The following CAPN8 variants were observed in gnomAD, a reference collection of about 807,000 sequenced individuals.
The protein encoded by CAPN8 is calpain-8.
In CAPN8, 87 loss-of-function variants were observed where a neutral mutation model predicts 80.9. That is an observed-to-expected ratio of 1.07 (90% CI 0.90 to 1.28). The LOEUF (loss-of-function observed/expected upper bound fraction) is 1.28. Ranked by LOEUF, CAPN8 falls within the 50% of genes most tolerant of loss-of-function variation. The pLI is 0.00. For synonymous variants in CAPN8, 299 were observed against 273.8 expected (o/e 1.09, Z -0.91); for missense variants, 757 against 702.0 (o/e 1.08, Z -0.89).
At chr1:223,648,675 C>T (rs780361957) in intron 2 of CAPN8, among the ~76,000 whole-genome samples, 1 of 152,096 alleles carries the variant, frequency 6.6e-6, no homozygotes, top group Non-Finnish European at 1.5e-5. Context: ...TCCTTGTTTG[C>T]CTTTAGAGAC....
rs1173611625 is a variant in CAPN8, at chr1:223,628,876, G to A, written c.308-96C>T. On this transcript the variant is annotated intron_variant, in intron 2 of 20. Transcript: ENST00000366872. ...TCCCATTCAACCCAGAGTCCACGTTGCCACATTCCCTTCTGAGTCAGGTAG... is the reference window on the plus strand; with the variant it reads ...TCCCATTCAACCCAGAGTCCACGTTACCACATTCCCTTCTGAGTCAGGTAG... 8 of 864,514 alleles carry A rather than the reference G, an allele frequency of 9.3e-6. No homozygotes were observed. The East Asian group carries it at 1.4e-4, about 15-fold the overall frequency. The allele number at this position is 864,514 out of a possible 1,614,324, so 53.6% of individuals were successfully genotyped here.
At chr1:223,645,187 G>T (rs1035416257) in intron 2 of CAPN8, among the ~76,000 whole-genome samples, 4 of 152,126 alleles carry the variant, frequency 2.6e-5, no homozygotes, top group African/African-American at 9.7e-5. Context: ...AGCATCCAGC[G>T]CAGAAGAAAG....
chr1:223,609,561 C>T (rs1353239083), intron 11 of CAPN8, among the ~76,000 whole-genome samples, 197 bp from the exon 12 acceptor site: 1 of 152,104 alleles, frequency 6.6e-6, no homozygotes, highest in Non-Finnish European at 1.5e-5. Context: ...GGGTGCCAGG[C>T]CCTGTTTGAG....
At chr1:223,624,887 A>G (rs577436521) in intron 6 of CAPN8, among the ~76,000 whole-genome samples, 45 of 152,074 alleles carry the variant, frequency 3.0e-4, no homozygotes, top group African/African-American at 8.9e-4. Context: ...GAGGTCAGGA[A>G]ATCGAGACCA....
chr1:223,551,106 G>C, intron 14 of CAPN8, 89 bp from the exon 15 acceptor site: 1 of 685,032 alleles, frequency 1.5e-6, no homozygotes, highest in Non-Finnish European at 2.7e-6. Flanking sequence ...CTCACAGTCA[G>C]ACACCAGGCC....
In CAPN8 at chr1:223,665,601, G is replaced by C. The variant is rs1013524714; in HGVS notation, c.46C>G (p.Gln16Glu). The C allele has an allele frequency of 6.4e-7, 1 of 1,551,564 alleles. No individual in the cohort carries two copies. Among genetic ancestry groups the C allele is most frequent in the African/African-American group, 1.4e-5 (1 of 73,044 alleles). Residue 16 changes from glutamine to glutamate, a missense_variant, in exon 1 of 21, where the codon CAA becomes GAA. Coordinates refer to ENST00000366872, the MANE Select transcript of CAPN8 (RefSeq NM_001143962.2). ...GCGTTTTGGTTGGAGCCAAGACCTT[G>C]AGTGGCTGCCCGCTGCCTAGATACA... ...AGVSRQRAATQGLGSNQNALK... is the reference protein window; with the variant it reads ...AGVSRQRAATEGLGSNQNALK...
intron 6 of CAPN8, among the ~76,000 whole-genome samples, chr1:223,623,120 A>G (rs1047253663): frequency 2.6e-5 from 4 of 152,262 alleles, no homozygotes; most frequent in Non-Finnish European, 5.9e-5. Context: ...ATAAATGAAG[A>G]GTGAGTCTAG....
At position 223,550,311 on chromosome 1, in the gene CAPN8, G is replaced by C. The variant is rs1656749306; in HGVS notation, c.1699+649C>G. 2.6e-5 allele frequency among the ~76,000 whole-genome samples: 4 copies of C among 152,274 alleles called. No individual in the cohort carries two copies. The South Asian group carries it at 8.3e-4, about 32-fold the overall frequency. ...GACTTGGCTCCTGGGCCAAGCCCCT[G>C]CTTCCTGCATTCTCAAGCCCTGTCC... On this transcript the variant is annotated intron_variant, in intron 15 of 20. Transcript: ENST00000366872.
chr1:223,645,901 C>A (rs1558354259), intron 2 of CAPN8, among the ~76,000 whole-genome samples: 1 of 152,142 alleles, frequency 6.6e-6, no homozygotes, highest in Non-Finnish European at 1.5e-5. Context: ...GAGGGTAAAC[C>A]AAAGTGCTCC....
At chr1:223,659,386 C>T (rs1332218264) in intron 1 of CAPN8, among the ~76,000 whole-genome samples, 3 of 152,166 alleles carry the variant, frequency 2.0e-5, no homozygotes, top group African/African-American at 7.2e-5. Context: ...TGTGATCTGG[C>T]CCCACTGGAT....
Position 223,627,926 on chromosome 1 carries a change from G to A in CAPN8, c.560+83C>T, listed in dbSNP as rs146698998. 2,339 of 1,426,966 alleles carry A rather than the reference G, an allele frequency of 1.6e-3. 16 individuals carry two copies. The Middle Eastern group carries it at 0.02, about 12-fold the overall frequency. 88.4% of individuals were successfully genotyped at this position (1,426,966 alleles called of 1,614,324 possible). On this transcript the variant is annotated intron_variant, in intron 4 of 20. Transcript: ENST00000366872. ...GACGCCATGACGCCCTGAGTTTGGGGTGGGGAGGCAGACGTGGGAGGGACA... is the reference window on the plus strand; with the variant it reads ...GACGCCATGACGCCCTGAGTTTGGGATGGGGAGGCAGACGTGGGAGGGACA...
intron 13 of CAPN8, among the ~76,000 whole-genome samples, chr1:223,554,579 C>A (rs1426026400): frequency 6.7e-6 from 1 of 149,958 alleles, no homozygotes; most frequent in African/African-American, 2.5e-5. Context: ...TAAAGCGAGA[C>A]CTTATATCAG....
chr1:223,625,352 G>T (rs1364219360), intron 6 of CAPN8, among the ~76,000 whole-genome samples: 1 of 152,208 alleles, frequency 6.6e-6, no homozygotes, highest in African/African-American at 2.4e-5. Context: ...GAGAGGGCTT[G>T]CATTTAGTTA....
At chr1:223,637,578 A>T (rs116298853) in intron 2 of CAPN8, among the ~76,000 whole-genome samples, 1 of 152,156 alleles carries the variant, frequency 6.6e-6, no homozygotes, top group African/African-American at 2.4e-5. Context: ...TCCTCTTAGA[A>T]TCACTTAGTA....
At chr1:223,627,271 C>CT in intron 4 of CAPN8, 114 bp from the exon 5 acceptor site, 1 of 1,242,130 alleles carries the variant, frequency 8.1e-7, no homozygotes, top group Non-Finnish European at 1.1e-6. Flanking sequence ...AAGGAAGGCT[C>CT]TTTGCCTATT....
intron 18 of CAPN8, 122 bp downstream of exon 18, chr1:223,544,650 G>C (rs1002306024): frequency 7.3e-7 from 1 of 1,376,682 alleles, no homozygotes; most frequent in African/African-American, 1.4e-5. Context: ...CTCTGTTGTT[G>C]CCTTGATATC....
intron 2 of CAPN8, among the ~76,000 whole-genome samples, chr1:223,653,446 A>C (rs548162430): frequency 4.0e-5 from 6 of 150,284 alleles, no homozygotes; most frequent in Admixed American, 2.7e-4. Flanking sequence ...AAAAGAGAAA[A>C]CCTCCTGAAA....
At chr1:223,650,250 C>T (rs2102732750) in intron 2 of CAPN8, among the ~76,000 whole-genome samples, 1 of 152,256 alleles carries the variant, frequency 6.6e-6, no homozygotes, top group Non-Finnish European at 1.5e-5. Context: ...CTGGGATCCC[C>T]CTCCATTTAC....
chr1:223,633,879 C>T (rs1657842186), intron 2 of CAPN8, among the ~76,000 whole-genome samples: 1 of 152,094 alleles, frequency 6.6e-6, no homozygotes, highest in Admixed American at 6.5e-5. Flanking sequence ...GGAGATACTT[C>T]TGGACTGCAG....
Sources: allele counts gnomAD v4.1 joint callset (sites outside exome capture counted in the v4.1 genomes callset), GRCh38; gene constraint gnomAD v4.1.1; transcripts MANE v1.5; gene names NCBI Gene and HGNC (gene_info 2026-07-23, HGNC 2026-07-21).